FRYL: variants seen among roughly 807,000 people sequenced by gnomAD.
The protein encoded by FRYL is protein furry homolog-like.
FRYL carries 150 observed loss-of-function variants against 351.2 expected under a neutral mutation model. The observed-to-expected ratio is 0.43, with a 90% CI of 0.37 to 0.49. The LOEUF (loss-of-function observed/expected upper bound fraction) is 0.49, where lower values mean the gene tolerates loss of function less well. Ranked by LOEUF, FRYL falls within the 20% of genes least tolerant of loss-of-function variation. The pLI, the probability that FRYL is intolerant of heterozygous loss-of-function variation, is 0.00. For synonymous variants in FRYL, 1,153 were observed against 1,257.1 expected (o/e 0.92, Z 1.75); for missense variants, 3,036 against 3,619.3 (o/e 0.84, Z 4.13).
intron 7 of FRYL, chr4:48,618,178 T>C (rs1399838951): frequency 6.6e-6 from 1 of 152,164 alleles, no homozygotes; most frequent in Non-Finnish European, 1.5e-5. Context: ...CTTTCCTACC[T>C]CTACCAAAAA....
At chr4:48,701,927 A>T (rs1766761518) in intron 2 of FRYL, among the ~76,000 whole-genome samples, 2 of 152,362 alleles carry the variant, frequency 1.3e-5, no homozygotes, top group Middle Eastern at 3.4e-3. Flanking sequence ...AACCCAATAT[A>T]CAGAATATAA....
intron 2 of FRYL, among the ~76,000 whole-genome samples, chr4:48,700,461 A>G (rs570950191): frequency 1.3e-5 from 2 of 152,266 alleles, no homozygotes; most frequent in South Asian, 4.1e-4. Context: ...CTGTCAAACC[A>G]TGAGCTACAA....
chr4:48,729,490 T>C (rs1235485565), intron 1 of FRYL, among the ~76,000 whole-genome samples: 1 of 152,186 alleles, frequency 6.6e-6, no homozygotes, highest in Non-Finnish European at 1.5e-5. Context: ...CAGTAGGGAC[T>C]GACAGACACC....
intron 59 of FRYL, among the ~76,000 whole-genome samples, chr4:48,507,837 C>CTGTT (rs1721583464): frequency 6.6e-6 from 1 of 152,134 alleles, no homozygotes; most frequent in Non-Finnish European, 1.5e-5. Flanking sequence ...CTTGCTGTTC[C>CTGTT]TGTTTATTAT....
Position 48,546,363 on chromosome 4 carries a change from G to A in FRYL, c.5075-92C>T, listed in dbSNP as rs76207225. The A allele has an allele frequency of 6.2e-4, 589 of 944,226 alleles. No individual in the cohort carries two copies. In the African/African-American group the frequency reaches 8.5e-3, roughly 14 times the overall value. The allele number at this position is 944,226 out of a possible 1,614,324, so 58.5% of individuals were successfully genotyped here. A position where few individuals can be genotyped will look rare whatever the true frequency, so the allele number is the denominator to read the frequency against. On this transcript the variant is annotated intron_variant, in intron 41 of 63. Coordinates refer to ENST00000358350, the MANE Select transcript of FRYL (RefSeq NM_015030.2). ...AAACTGTTGTTCCTTAGACTCTATG[G>A]GACACATGAGGCAATCTGTCAGTGC...
chr4:48,649,342 C>G (rs979184906), intron 3 of FRYL, among the ~76,000 whole-genome samples: 2 of 152,196 alleles, frequency 1.3e-5, no homozygotes, highest in African/African-American at 4.8e-5. Flanking sequence ...CATACCATAT[C>G]TTATTCACAT....
chr4:48,716,934 A>C (rs1768906488), intron 1 of FRYL, among the ~76,000 whole-genome samples: 1 of 151,156 alleles, frequency 6.6e-6, no homozygotes, highest in Admixed American at 6.6e-5. Context: ...ATGGAATACT[A>C]TGCAGCCATA....
At chr4:48,655,924 T>A (rs1270560754) in intron 3 of FRYL, among the ~76,000 whole-genome samples, 2 of 140,072 alleles carry the variant, frequency 1.4e-5, no homozygotes, top group Non-Finnish European at 3.0e-5. Flanking sequence ...TAATGTGTAA[T>A]TCTATGTACA....
At chr4:48,743,432 A>C (rs183937828) in intron 1 of FRYL, among the ~76,000 whole-genome samples, 7 of 152,278 alleles carry the variant, frequency 4.6e-5, no homozygotes, top group Non-Finnish European at 7.4e-5. Context: ...AAACCTGATC[A>C]AGTTGAACCT....
chr4:48,678,643 C>T lies in FRYL; in HGVS notation c.-81+6030G>A, dbSNP rs554039370. Among the ~76,000 whole-genome samples, 281 of 151,216 alleles carry T rather than the reference C, an allele frequency of 1.9e-3. 1 individual carries two copies. Among genetic ancestry groups the T allele is most frequent in the Middle Eastern group, 6.9e-3 (2 of 288 alleles). On this transcript the variant is annotated intron_variant, in intron 3 of 63. Transcript: ENST00000358350. ...ATTTCTTTAAATTAATTTTAATAGT[C>T]ATTTCCTGAGGTTGAATTTTTTTTT...
Position 48,540,375 on chromosome 4 carries a change from C to A in FRYL, c.6273G>T (p.Leu2091Phe). Residue 2091 changes from leucine to phenylalanine, a missense_variant, in exon 46 of 64, where the codon TTG (leucine) becomes TTT (phenylalanine). This residue lies in a region of FRYL where 1,987 missense variants were observed against 2,311.7 expected (regional missense o/e 0.86). Transcript: ENST00000358350. ...SKLISVSKHT[L>F]VDPSQLSGFP... ...CACCTGACAATTGGGAAGGATCCAC[C>A]AATGTATGTTTGGAGACAGAAATGA... 1.9e-6 allele frequency: 3 copies of A among 1,613,540 alleles called. No individual in the cohort carries two copies. The highest frequency in any genetic ancestry group is 1.7e-6 in the Non-Finnish European group (2 of 1,179,634).
chr4:48,644,417 G>C (rs1430603642), intron 3 of FRYL, among the ~76,000 whole-genome samples: 2 of 145,454 alleles, frequency 1.4e-5, no homozygotes, highest in Non-Finnish European at 3.0e-5. Flanking sequence ...ACATATATCA[G>C]AACATAATAT....
intron 2 of FRYL, among the ~76,000 whole-genome samples, chr4:48,687,607 G>A (rs140141507): frequency 1.6e-4 from 25 of 151,882 alleles, no homozygotes; most frequent in African/African-American, 5.6e-4. Flanking sequence ...TTTCCTTTCT[G>A]AACAGAATTT....
intron 3 of FRYL, among the ~76,000 whole-genome samples, chr4:48,681,765 A>G (rs565449994): frequency 1.3e-5 from 2 of 152,314 alleles, no homozygotes; most frequent in South Asian, 2.1e-4. Context: ...AAAAAAATTG[A>G]TAATTTTAAA....
At chr4:48,507,234 C>T (rs1368582211) in intron 59 of FRYL, among the ~76,000 whole-genome samples, 3 of 151,914 alleles carry the variant, frequency 2.0e-5, no homozygotes, top group Non-Finnish European at 2.9e-5. Flanking sequence ...AAAGACAAAC[C>T]CCAACCATAT....
intron 4 of FRYL, among the ~76,000 whole-genome samples, chr4:48,624,979 G>A (rs1293382141): frequency 6.6e-6 from 1 of 152,160 alleles, no homozygotes; most frequent in East Asian, 1.9e-4. Flanking sequence ...TTTCGAATGT[G>A]CTGGCTTTCA....
At chr4:48,672,836 C>T (rs1406446288) in intron 3 of FRYL, among the ~76,000 whole-genome samples, 1 of 152,174 alleles carries the variant, frequency 6.6e-6, no homozygotes, top group East Asian at 1.9e-4. Flanking sequence ...ACCCATTATC[C>T]ACTTTGTTCC....
rs1315942881 is a variant in FRYL at position 48,731,557 on chromosome 4, A to C, written c.-383-20859T>G. On this transcript the variant is annotated intron_variant, in intron 1 of 63. Coordinates refer to ENST00000358350, the MANE Select transcript of FRYL (RefSeq NM_015030.2). ...TTTACTACAAGGCTACAGTAACCAA[A>C]ACAGCATGGTACTGGTACCAAAACA... Among the ~76,000 whole-genome samples the C allele has an allele frequency of 5.3e-5, 8 of 152,318 alleles. No homozygotes were observed. The East Asian group carries it at 1.5e-3, about 29-fold the overall frequency.
At chr4:48,757,380 A>G (rs1773908342) in intron 1 of FRYL, among the ~76,000 whole-genome samples, 1 of 152,258 alleles carries the variant, frequency 6.6e-6, no homozygotes, top group Non-Finnish European at 1.5e-5. Context: ...CTGATAAGCA[A>G]CTTCAGCAAA....
Sources: gnomAD v4.1 joint callset for allele counts (sites outside exome capture counted in the v4.1 genomes callset) on GRCh38, gnomAD v4.1.1 for gene constraint, gnomAD v4.1.1 regional missense constraint, MANE v1.5 for transcripts, NCBI Gene and HGNC (gene_info 2026-07-23, HGNC 2026-07-21) for gene names.